NIM1K: variants seen among roughly 807,000 people sequenced by gnomAD.
NIM1K encodes NIM1 serine/threonine protein kinase, also known as serine/threonine-protein kinase NIM1.
NIM1K carries 35 observed loss-of-function variants against 37.1 expected under a neutral mutation model. That is an observed-to-expected ratio of 0.94 (90% CI 0.72 to 1.25). The LOEUF is 1.25. NIM1K is among the 50% of genes most tolerant of loss of function. The pLI is 0.00. For synonymous variants in NIM1K, 234 were observed against 206.6 expected, an observed-to-expected ratio of 1.13 and a Z score of -1.14; for missense variants, 564 against 548.0, an observed-to-expected ratio of 1.03 and a Z score of -0.29.
At chr5:43,208,803 G>T (rs1231956708) in intron 1 of NIM1K, among the ~76,000 whole-genome samples, 1 of 152,146 alleles carries the variant, frequency 6.6e-6, no homozygotes, top group African/African-American at 2.4e-5. Context: ...ATCTTTGGGG[G>T]AAAGGGACTA....
At chr5:43,198,169 TTC>T (rs1208850227) in intron 1 of NIM1K, among the ~76,000 whole-genome samples, 1 of 54,870 alleles carries the variant, frequency 1.8e-5, no homozygotes, top group Non-Finnish European at 3.8e-5. Context: ...CTTTCTTTCT[TTC>T]TTTCTTTCTT....
At position 43,263,204 on chromosome 5, in the gene NIM1K, C is replaced by G. The variant is rs541306950; in HGVS notation, c.293-13853C>G. On this transcript the variant is annotated intron_variant, in intron 2 of 3. Transcript: ENST00000326035. ...GGAATGGTACCAGCTCCTTTTGTACCTCTGGTAGAATTCAGCTGTGAATCT... is the reference window on the plus strand; with the variant it reads ...GGAATGGTACCAGCTCCTTTTGTACGTCTGGTAGAATTCAGCTGTGAATCT... 3.9e-5 allele frequency among the ~76,000 whole-genome samples: 6 copies of G among 152,190 alleles called. No individual in the cohort carries two copies. In the South Asian group the frequency reaches 1.2e-3, roughly 32 times the overall value.
chr5:43,268,219 T>A (rs1363534606), intron 2 of NIM1K, among the ~76,000 whole-genome samples: 1 of 152,180 alleles, frequency 6.6e-6, no homozygotes. Flanking sequence ...ACCTAACAGG[T>A]TATTTCTGCC....
intron 1 of NIM1K, among the ~76,000 whole-genome samples, chr5:43,218,215 T>C (rs1037235401): frequency 3.9e-5 from 6 of 151,902 alleles, no homozygotes; most frequent in African/African-American, 1.2e-4. Context: ...TTCACCATGT[T>C]GGTCAGACTG....
intron 2 of NIM1K, among the ~76,000 whole-genome samples, chr5:43,265,974 C>T (rs953509485): frequency 6.6e-6 from 1 of 152,216 alleles, no homozygotes; most frequent in African/African-American, 2.4e-5. Flanking sequence ...CTGCCTGATC[C>T]TTCCTCTGGA....
chr5:43,196,624 G>A (rs1231221783), intron 1 of NIM1K, among the ~76,000 whole-genome samples: 3 of 151,588 alleles, frequency 2.0e-5, no homozygotes, highest in African/African-American at 4.9e-5. Flanking sequence ...GACAGAGCGA[G>A]ACTCTGTCTC....
intron 2 of NIM1K, among the ~76,000 whole-genome samples, chr5:43,249,976 C>T (rs1047784607): frequency 7.9e-5 from 12 of 151,486 alleles, no homozygotes; most frequent in African/African-American, 2.9e-4. Context: ...CCTCAACCTC[C>T]CGAGGAGCTG....
At chr5:43,240,593 G>C (rs1035892598) in intron 1 of NIM1K, among the ~76,000 whole-genome samples, 1 of 149,460 alleles carries the variant, frequency 6.7e-6, no homozygotes, top group African/African-American at 2.5e-5. Context: ...GCCCAGGCTG[G>C]AGTGCAGTGG....
At chr5:43,194,045 A>T (rs76445160) in intron 1 of NIM1K, among the ~76,000 whole-genome samples, 2 of 152,258 alleles carry the variant, frequency 1.3e-5, no homozygotes, top group Non-Finnish European at 2.9e-5. Flanking sequence ...GCTCAGACAA[A>T]TGAGAGTAAA....
chr5:43,226,049 A>G (rs187144471), intron 1 of NIM1K, among the ~76,000 whole-genome samples: 165 of 152,330 alleles, frequency 1.1e-3, no homozygotes, highest in African/African-American at 3.7e-3. Flanking sequence ...TGCAGAACGT[A>G]GGAGCATGAC....
chr5:43,251,257 C>A (rs1240622809), intron 2 of NIM1K, among the ~76,000 whole-genome samples: 6 of 152,104 alleles, frequency 3.9e-5, no homozygotes, highest in African/African-American at 1.4e-4. Context: ...TTACAAGTAA[C>A]AAAGTAATTT....
chr5:43,260,307 C>A (rs1307590930), intron 2 of NIM1K, among the ~76,000 whole-genome samples: 1 of 152,108 alleles, frequency 6.6e-6, no homozygotes, highest in African/African-American at 2.4e-5. Context: ...CTTGTTCCAG[C>A]TCTCAGGGGG....
intron 1 of NIM1K, among the ~76,000 whole-genome samples, chr5:43,213,144 C>A: frequency 6.7e-6 from 1 of 150,000 alleles, no homozygotes; most frequent in Admixed American, 6.6e-5. Context: ...TGAAAAAAAT[C>A]TCCATTTTCT....
In NIM1K at chr5:43,242,805, CT is replaced by C. The variant is rs111607810; in HGVS notation, c.-694-2264del. 2.1e-3 allele frequency: 298 copies of C among 141,016 alleles called. 2 individuals are homozygous for C. Among genetic ancestry groups the C allele is most frequent in the Middle Eastern group, 3.6e-3 (1 of 274 alleles). 8.7% of individuals were successfully genotyped at this position (141,016 alleles called of 1,614,324 possible). ...AGCACAAGTTCCTGCCCACCTGGTGCTTTTTTTTTTTTTCAGATGGCGTTTC... is the reference window on the plus strand; with the variant it reads ...AGCACAAGTTCCTGCCCACCTGGTGCTTTTTTTTTTTTCAGATGGCGTTTC... On this transcript the variant is annotated intron_variant, in intron 1 of 3. Transcript: ENST00000326035.
At chr5:43,255,944 T>G (rs955015334) in intron 2 of NIM1K, among the ~76,000 whole-genome samples, 1 of 151,228 alleles carries the variant, frequency 6.6e-6, no homozygotes, top group Non-Finnish European at 1.5e-5. Context: ...AGTGTCCAGA[T>G]GGGAGATGCC....
chr5:43,254,921 A>G (rs190583986), intron 2 of NIM1K, among the ~76,000 whole-genome samples: 118 of 152,352 alleles, frequency 7.7e-4, no homozygotes, highest in Non-Finnish European at 1.4e-3. Context: ...TCATTAAAAT[A>G]GCAATTCAAA....
intron 1 of NIM1K, among the ~76,000 whole-genome samples, chr5:43,239,801 A>G (rs1038323172): frequency 9.9e-5 from 15 of 151,906 alleles, no homozygotes; most frequent in Non-Finnish European, 2.2e-4. Flanking sequence ...TATTCTTTTT[A>G]TCCTCATGGG....
chr5:43,267,346 C>G (rs1753180529), intron 2 of NIM1K, among the ~76,000 whole-genome samples: 2 of 152,124 alleles, frequency 1.3e-5, no homozygotes, highest in Non-Finnish European at 2.9e-5. Flanking sequence ...CAAAACTTCT[C>G]TCCTCTTAGT....
At chr5:43,192,548 G>A (rs1452101707) in intron 1 of NIM1K, 137 bp downstream of exon 1, 1 of 152,564 alleles carries the variant, frequency 6.6e-6, no homozygotes, top group Non-Finnish European at 1.5e-5. Context: ...GCCCTGCCAC[G>A]GGGTGTCTGC....
Sources: gnomAD v4.1 joint callset for allele counts (sites outside exome capture counted in the v4.1 genomes callset) on GRCh38, gnomAD v4.1.1 for gene constraint, MANE v1.5 for transcripts, NCBI Gene and HGNC (gene_info 2026-07-23, HGNC 2026-07-21) for gene names.